The following NYAP2 variants were observed in gnomAD, a reference collection of about 807,000 sequenced individuals.
NYAP2 encodes neuronal tyrosine-phosphorylated phosphoinositide-3-kinase adapter 2.
A neutral mutation model predicts 50.4 loss-of-function variants in NYAP2; 23 were observed. The observed-to-expected ratio is 0.46, with a 90% CI of 0.33 to 0.65. The LOEUF is 0.65. Ranked by LOEUF, NYAP2 falls within the 30% of genes least tolerant of loss-of-function variation. The pLI, the probability that NYAP2 is intolerant of heterozygous loss-of-function variation, is 0.02. For missense variants in NYAP2, 885 were observed against 861.0 expected, an observed-to-expected ratio of 1.03 and a Z score of -0.35; for synonymous variants, 394 against 365.2, an observed-to-expected ratio of 1.08 and a Z score of -0.90.
chr2:225,446,216 G>GTCTGTCTGTCTGTC (rs1422980177), intron 3 of NYAP2, among the ~76,000 whole-genome samples: 2 of 69,670 alleles, frequency 2.9e-5, no homozygotes, highest in Non-Finnish European at 6.7e-5. Flanking sequence ...CTGTCTGTCT[G>GTCTGTCTGTCTGTC]TCTCTCTCTC....
At chr2:225,602,379 T>C (rs1692706972) in intron 5 of NYAP2, among the ~76,000 whole-genome samples, 1 of 152,134 alleles carries the variant, frequency 6.6e-6, no homozygotes, top group African/African-American at 2.4e-5. Context: ...AGGGTGGGAT[T>C]TGTTTATCTG....
intron 5 of NYAP2, among the ~76,000 whole-genome samples, chr2:225,620,687 A>G (rs1251437369): frequency 2.0e-5 from 3 of 152,316 alleles, no homozygotes; most frequent in Admixed American, 6.5e-5. Context: ...ACACCTGCCT[A>G]AAATTTACTG....
At chr2:225,611,859 TAGAG>T (rs928113811) in intron 5 of NYAP2, among the ~76,000 whole-genome samples, 3 of 147,290 alleles carry the variant, frequency 2.0e-5, no homozygotes, top group Admixed American at 1.3e-4. Flanking sequence ...AGTATATATA[TAGAG>T]AGAGATATAT....
chr2:225,582,555 C>A lies in NYAP2; in HGVS notation c.1138C>A (p.Pro380Thr). 1 of 1,585,182 alleles carries A rather than the reference C, an allele frequency of 6.3e-7. No individual in the cohort carries two copies. Among genetic ancestry groups the A allele is most frequent in the South Asian group, 1.2e-5 (1 of 86,294 alleles). The change falls in exon 5 of 7, where the codon CCC becomes ACC. Residue 380 changes from proline (P) to threonine (T), a missense_variant. Coordinates refer to ENST00000636099, the Ensembl canonical transcript of NYAP2. The surrounding 1 kb of genome is among the most constrained non-coding windows in gnomAD (Gnocchi z 7.0). ...CATGAAACAGCCAGCCGGGGCGTCGCCCTCCACGCTGCCGTCCCACGTCCC... is the reference window on the plus strand; with the variant it reads ...CATGAAACAGCCAGCCGGGGCGTCGACCTCCACGCTGCCGTCCCACGTCCC...
intron 4 of NYAP2, among the ~76,000 whole-genome samples, chr2:225,537,680 C>A (rs548511109): frequency 6.6e-6 from 1 of 152,210 alleles, no homozygotes; most frequent in Non-Finnish European, 1.5e-5. Context: ...CATTCCACCC[C>A]GACCCCTCCC....
At chr2:225,435,638 T>C (rs1469989811) in intron 3 of NYAP2, among the ~76,000 whole-genome samples, 1 of 152,226 alleles carries the variant, frequency 6.6e-6, no homozygotes, top group Non-Finnish European at 1.5e-5. Flanking sequence ...CATATTGGTA[T>C]TTCTTTTTCT....
intron 3 of NYAP2, among the ~76,000 whole-genome samples, chr2:225,499,319 CT>C (rs764490641): frequency 6.1e-3 from 866 of 142,666 alleles, no homozygotes; most frequent in Admixed American, 6.3e-3. Context: ...GAAAAGGTTA[CT>C]TTTTTTTTTT....
intron 6 of NYAP2, among the ~76,000 whole-genome samples, chr2:225,629,393 C>T (rs1170044331): frequency 1.3e-5 from 2 of 152,212 alleles, no homozygotes; most frequent in African/African-American, 4.8e-5. Flanking sequence ...AATACCCTCA[C>T]ATATACACCC....
intron 5 of NYAP2, among the ~76,000 whole-genome samples, chr2:225,607,532 A>G (rs893628373): frequency 1.3e-5 from 2 of 152,134 alleles, no homozygotes; most frequent in African/African-American, 4.8e-5. Context: ...GTCTTCCATA[A>G]CTTTGGCACA....
chr2:225,485,469 A>G (rs1355480349), intron 3 of NYAP2, among the ~76,000 whole-genome samples: 1 of 152,156 alleles, frequency 6.6e-6, no homozygotes, highest in Non-Finnish European at 1.5e-5. Context: ...ATTTTTAGAA[A>G]GGTTACTTGA....
At chr2:225,517,524 T>C (rs1690957291) in intron 4 of NYAP2, among the ~76,000 whole-genome samples, 1 of 152,198 alleles carries the variant, frequency 6.6e-6, no homozygotes, top group Non-Finnish European at 1.5e-5. Flanking sequence ...AGGCAAGTGA[T>C]CCAATGGGAC....
intron 5 of NYAP2, among the ~76,000 whole-genome samples, chr2:225,601,513 G>C (rs1015960524): frequency 2.0e-5 from 3 of 152,082 alleles, no homozygotes; most frequent in African/African-American, 7.2e-5. Context: ...CACCAGCAAT[G>C]CACAAAAGTT....
At chr2:225,486,187 A>G (rs2106168066) in intron 3 of NYAP2, among the ~76,000 whole-genome samples, 1 of 152,264 alleles carries the variant, frequency 6.6e-6, no homozygotes, top group South Asian at 2.1e-4. Context: ...TTATTTTAGA[A>G]CAAGTGTGAA....
At chr2:225,512,394 G>A (rs1254156843) in intron 3 of NYAP2, among the ~76,000 whole-genome samples, 2 of 152,164 alleles carry the variant, frequency 1.3e-5, no homozygotes, top group South Asian at 2.1e-4. Context: ...TGTTTCTAAT[G>A]TAACTGAAGA....
intron 4 of NYAP2, among the ~76,000 whole-genome samples, chr2:225,544,266 A>G (rs1412899094): frequency 2.0e-5 from 3 of 149,928 alleles, no homozygotes; most frequent in African/African-American, 7.4e-5. Flanking sequence ...TTGATTGGAG[A>G]GTTTAATCCA....
intron 3 of NYAP2, among the ~76,000 whole-genome samples, chr2:225,418,549 G>C (rs188245757): frequency 3.3e-4 from 51 of 152,250 alleles, no homozygotes; most frequent in African/African-American, 1.1e-3. Context: ...TGACAGATTG[G>C]ATGGGAGGTG....
intron 3 of NYAP2, among the ~76,000 whole-genome samples, chr2:225,470,325 T>G (rs1264835672): frequency 6.6e-6 from 1 of 152,184 alleles, no homozygotes; most frequent in Non-Finnish European, 1.5e-5. Context: ...TGTATGCATA[T>G]GCACTCACAC....
chr2:225,456,459 A>C (rs1233062172), intron 3 of NYAP2, among the ~76,000 whole-genome samples: 2 of 152,234 alleles, frequency 1.3e-5, no homozygotes, highest in Admixed American at 6.5e-5. Flanking sequence ...AGGAAGAAAG[A>C]AACACAAAAA....
intron 3 of NYAP2, among the ~76,000 whole-genome samples, chr2:225,483,462 A>G (rs1234223302): frequency 2.6e-5 from 4 of 152,210 alleles, no homozygotes; most frequent in African/African-American, 9.6e-5. Context: ...TTTCTTACTC[A>G]GTTCTACAGC....
Sources: gnomAD v4.1 joint callset for allele counts (sites outside exome capture counted in the v4.1 genomes callset) on GRCh38, gnomAD v4.1.1 for gene constraint, Gnocchi (gnomAD v3.1) non-coding constraint, MANE v1.5 for transcripts, NCBI Gene and HGNC (gene_info 2026-07-23, HGNC 2026-07-21) for gene names.